The following THAP3 variants were observed in gnomAD, a reference collection of about 807,000 sequenced individuals.
THAP3 encodes THAP domain containing 3, also known as THAP domain-containing protein 3.
THAP3 carries 12 observed loss-of-function variants against 17.7 expected under a neutral mutation model. The ratio of observed to expected loss-of-function variants is 0.68; its 90% CI spans 0.43 to 1.10. The LOEUF is 1.10. Among genes scored for constraint, THAP3 ranks in the 50% least tolerant of loss-of-function variants. THAP3 has a pLI of 0.00. For missense variants in THAP3, 289 were observed against 318.0 expected (o/e 0.91, Z 0.69); for synonymous variants, 133 against 126.9 (o/e 1.05, Z -0.32).
rs1641418304 is a variant in THAP3 at position 6,624,966 on chromosome 1, A to G, written c.-70+12A>G. On this transcript the variant is annotated intron_variant, in intron 1 of 5. Coordinates refer to ENST00000054650, the MANE Select transcript of THAP3 (RefSeq NM_001195753.2). Reference sequence around the variant, plus strand: ...CATTGGCGAATGGGGTAAGACTTGCACAGGCCCAAGGCTAGGAGTTGGGGT... The same window carrying G: ...CATTGGCGAATGGGGTAAGACTTGCGCAGGCCCAAGGCTAGGAGTTGGGGT... 4 of 525,110 alleles carry G rather than the reference A, an allele frequency of 7.6e-6. No individual in the cohort carries two copies. Among genetic ancestry groups the G allele is most frequent in the Non-Finnish European group, 6.7e-6 (2 of 297,272 alleles). 32.5% of individuals were successfully genotyped at this position (525,110 alleles called of 1,614,324 possible). A position where few individuals can be genotyped will look rare whatever the true frequency, so the allele number is the denominator to read the frequency against.
rs1178758570 is a variant in THAP3, at chr1:6,632,456, G to A, written c.399G>A (p.Glu133=). ...PGRNMDTALE[E]LQLPPNAEGH... ...GAAACATGGACACTGCACTTGAAGA[G>A]CTTCAGTTGCCCCCAAATGCCGAAG... Residue 133 remains glutamate (E), a synonymous_variant, in exon 5 of 6, where the codon GAG becomes GAA. Coordinates refer to ENST00000054650, the MANE Select transcript of THAP3 (RefSeq NM_001195753.2). The A allele has an allele frequency of 1.9e-6, 3 of 1,614,044 alleles. No individual in the cohort carries two copies. Among genetic ancestry groups the A allele is most frequent in the African/African-American group, 1.3e-5 (1 of 74,948 alleles).
At chr1:6,635,356 GGCGGGCT>G (rs550113710), downstream of THAP3, 397 of 282,508 alleles carry the variant, frequency 1.4e-3, 1 homozygote, top group Non-Finnish European at 2.3e-3. Flanking sequence ...ACTACAGGGC[GGCGGGCT>G]GCGGTCAGCA....
At chr1:6,634,923 G>A, downstream of THAP3, 1 of 1,150,924 alleles carries the variant, frequency 8.7e-7, no homozygotes, top group Non-Finnish European at 1.1e-6. Context: ...TGCAGGCGGT[G>A]GAGGGACACA....
downstream of THAP3, chr1:6,633,884 T>C: frequency 1.3e-6 from 1 of 767,812 alleles, no homozygotes; most frequent in Non-Finnish European, 2.1e-6. Context: ...CCCTCTAGTA[T>C]TGTCACTGGG....
At chr1:6,634,123 C>T, downstream of THAP3, 1 of 1,585,708 alleles carries the variant, frequency 6.3e-7, no homozygotes, top group Non-Finnish European at 8.7e-7. Context: ...AAGGGGTTCC[C>T]TCCCTCCTGA....
rs867874339 is a variant in THAP3, at chr1:6,625,120, A to G, written c.-69-30A>G. ...CTGGAGGCGAGCCAGGCCCGTCACC[A>G]CCTCCCAGCGGCCCCGCCCCTCCCC... On this transcript the variant is annotated intron_variant, in intron 1 of 5. Transcript: ENST00000054650. 1.2e-4 allele frequency: 166 copies of G among 1,344,994 alleles called. No individual in the cohort carries two copies. The African/African-American group carries it at 2.3e-3, about 18-fold the overall frequency. 83.3% of individuals were successfully genotyped at this position (1,344,994 alleles called of 1,614,324 possible). A position where few individuals can be genotyped will look rare whatever the true frequency, so the allele number is the denominator to read the frequency against.
Position 6,633,305 on chromosome 1 carries a change from G to C in THAP3, c.*228G>C. ...GAGTGCACATCTGTGAGCATGACAAGCTTATCCTCCCATGGTAACAGAAGT... is the reference window on the plus strand; with the variant it reads ...GAGTGCACATCTGTGAGCATGACAACCTTATCCTCCCATGGTAACAGAAGT... On this transcript the variant is annotated 3_prime_UTR_variant, in exon 6 of 6. Coordinates refer to ENST00000054650, the MANE Select transcript of THAP3 (RefSeq NM_001195753.2). 7.1e-7 allele frequency: 1 copy of C among 1,412,346 alleles called. No homozygotes were observed. The highest frequency in any genetic ancestry group is 9.2e-7 in the Non-Finnish European group (1 of 1,086,436). 87.5% of individuals were successfully genotyped at this position (1,412,346 alleles called of 1,614,324 possible).
chr1:6,632,470 C>G lies in THAP3; in HGVS notation c.413C>G (p.Pro138Arg). ...DTALEELQLPPNAEGHVKQVS... is the reference protein window; with the variant it reads ...DTALEELQLPRNAEGHVKQVS... Reference sequence around the variant, plus strand: ...GCACTTGAAGAGCTTCAGTTGCCCCCAAATGCCGAAGGCCACGTAAAACAG... The same window carrying G: ...GCACTTGAAGAGCTTCAGTTGCCCCGAAATGCCGAAGGCCACGTAAAACAG... Residue 138 changes from proline (P) to arginine (R), a missense_variant, in exon 5 of 6, where the codon CCA becomes CGA. Pro to Arg is a moderately radical substitution (Grantham distance 103). Coordinates refer to ENST00000054650, the MANE Select transcript of THAP3 (RefSeq NM_001195753.2). 6.2e-7 allele frequency: 1 copy of G among 1,614,170 alleles called. No homozygotes were observed.
At chr1:6,630,375 C>T (rs1344068910) in intron 4 of THAP3, 22 bp downstream of exon 4, 4 of 1,612,516 alleles carry the variant, frequency 2.5e-6, no homozygotes, top group Non-Finnish European at 3.4e-6. Context: ...GGGCCAGGTA[C>T]TTGAATGTTT....
In THAP3 at chr1:6,628,667, G is replaced by T; in HGVS notation, c.243G>T (p.Val81=). ...KNLKHNAVPT[V]FAFQDPTQQV... ...TAAAGCACAATGCCGTGCCCACGGTGTTCGCCTTTCAGGACCCCACACAGG... is the reference window on the plus strand; with the variant it reads ...TAAAGCACAATGCCGTGCCCACGGTTTTCGCCTTTCAGGACCCCACACAGG... Residue 81 remains valine (V), a synonymous_variant, in exon 3 of 6, where the codon GTG becomes GTT. Transcript: ENST00000054650. 1.9e-6 allele frequency: 3 copies of T among 1,613,398 alleles called. No individual in the cohort carries two copies. The highest frequency in any genetic ancestry group is 1.7e-6 in the Non-Finnish European group (2 of 1,179,884).
At position 6,633,091 on chromosome 1, in the gene THAP3, C is replaced by G. The variant is rs573813050; in HGVS notation, c.*14C>G. The G allele has an allele frequency of 6.3e-7, 1 of 1,584,180 alleles. No homozygotes were observed. On this transcript the variant is annotated 3_prime_UTR_variant, in exon 6 of 6. Coordinates refer to ENST00000054650, the MANE Select transcript of THAP3 (RefSeq NM_001195753.2). ...CAGCAGAGCTGAGCCCCACAGGCTC[C>G]GGACGCAGAGGTGGCAGTGGCACCA...
At chr1:6,634,265 G>A, downstream of THAP3, 1 of 864,784 alleles carries the variant, frequency 1.2e-6, no homozygotes, top group Non-Finnish European at 1.7e-6. Flanking sequence ...CTGCGGCAGA[G>A]GCGCACGGGA....
At chr1:6,625,072 TG>T in intron 1 of THAP3, 77 bp from the exon 2 acceptor site, 1 of 878,002 alleles carries the variant, frequency 1.1e-6, no homozygotes, top group Non-Finnish European at 1.7e-6. Context: ...CGCGGGTGGC[TG>T]GGATGGCAGG....
At chr1:6,627,433 C>G (rs762907441) in intron 2 of THAP3, among the ~76,000 whole-genome samples, 5 of 152,230 alleles carry the variant, frequency 3.3e-5, no homozygotes, top group Non-Finnish European at 7.3e-5. Context: ...GGCGCAGTCT[C>G]GGCTCACTGC....
rs1641680212 is a variant in THAP3, at chr1:6,633,309, A to G, written c.*232A>G. ...GCACATCTGTGAGCATGACAAGCTTATCCTCCCATGGTAACAGAAGTCCAG... is the reference window on the plus strand; with the variant it reads ...GCACATCTGTGAGCATGACAAGCTTGTCCTCCCATGGTAACAGAAGTCCAG... On this transcript the variant is annotated 3_prime_UTR_variant, in exon 6 of 6. Transcript: ENST00000054650. 1 of 1,407,818 alleles carries G rather than the reference A, an allele frequency of 7.1e-7. No individual in the cohort carries two copies. The allele number at this position is 1,407,818 out of a possible 1,614,324, so 87.2% of individuals were successfully genotyped here.
intron 2 of THAP3, 61 bp from the exon 3 acceptor site, chr1:6,628,438 A>G: frequency 2.8e-6 from 4 of 1,442,388 alleles, no homozygotes; most frequent in Non-Finnish European, 3.7e-6. Flanking sequence ...AAAATTCCGA[A>G]TGACTCTGAG....
downstream of THAP3, chr1:6,634,657 T>C (rs1641720997): frequency 1.5e-6 from 2 of 1,366,468 alleles, no homozygotes; most frequent in African/African-American, 2.9e-5. Context: ...GAGGGGGTCC[T>C]AGCTCCGCTG....
intron 3 of THAP3, among the ~76,000 whole-genome samples, chr1:6,629,481 G>A (rs1641550859): frequency 6.6e-6 from 1 of 152,178 alleles, no homozygotes; most frequent in African/African-American, 2.4e-5. Context: ...CAGTCTGCCT[G>A]AACCTCTTCA....
At chr1:6,629,400 C>T (rs1214810764) in intron 3 of THAP3, among the ~76,000 whole-genome samples, 2 of 152,188 alleles carry the variant, frequency 1.3e-5, no homozygotes, top group Admixed American at 6.5e-5. Context: ...GTAGCAAACA[C>T]GCCCAGAGCG....
Sources: allele counts gnomAD v4.1 joint callset (sites outside exome capture counted in the v4.1 genomes callset), GRCh38; gene constraint gnomAD v4.1.1; transcripts MANE v1.5; gene names NCBI Gene and HGNC (gene_info 2026-07-23, HGNC 2026-07-21).